COMMD10: variants seen among roughly 807,000 people sequenced by gnomAD.
The protein encoded by COMMD10 is COMM domain-containing protein 10.
In COMMD10, 33 loss-of-function variants were observed where a neutral mutation model predicts 28.9. That is an observed-to-expected ratio of 1.14 (90% CI 0.87 to 1.53). The LOEUF is 1.53. Ranked by LOEUF, COMMD10 falls within the 40% of genes most tolerant of loss-of-function variation. The probability of loss-of-function intolerance (pLI) is 0.00; values close to 1 mark genes in which losing one functional copy is unlikely to be tolerated. For synonymous variants in COMMD10, 110 were observed against 81.7 expected, an observed-to-expected ratio of 1.35 and a Z score of -1.87; for missense variants, 310 against 233.4, an observed-to-expected ratio of 1.33 and a Z score of -2.14.
intron 5 of COMMD10, among the ~76,000 whole-genome samples, chr5:116,192,027 G>A (rs1191828653): frequency 6.9e-6 from 1 of 144,568 alleles, no homozygotes; most frequent in South Asian, 2.3e-4. Context: ...CCTGGAGCCG[G>A]GTAGACTCGG....
intron 5 of COMMD10, among the ~76,000 whole-genome samples, chr5:116,255,140 C>A (rs1362220338): frequency 2.6e-5 from 4 of 151,158 alleles, no homozygotes; most frequent in Non-Finnish European, 4.4e-5. Flanking sequence ...TTTTTGTTTT[C>A]CATTTGCTTG....
Position 116,207,611 on chromosome 5 carries a change from C to T in COMMD10, c.510+73433C>T, listed in dbSNP as rs144726919. 3.8e-3 allele frequency among the ~76,000 whole-genome samples: 572 copies of T among 152,166 alleles called. 5 individuals carry two copies. Among genetic ancestry groups the T allele is most frequent in the African/African-American group, 0.013 (532 of 41,506 alleles). ...CATGATCTGGGCTCACTGCAGCCTC[C>T]GCCTCCTGGGTTCAAGCGATTCTTA... On this transcript the variant is annotated intron_variant, in intron 5 of 6. Coordinates refer to ENST00000274458, the MANE Select transcript of COMMD10 (RefSeq NM_016144.4).
At position 116,113,879 on chromosome 5, in the gene COMMD10, G is replaced by A. The variant is rs539544572; in HGVS notation, c.400-20189G>A. Among the ~76,000 whole-genome samples, 3 of 151,350 alleles carry A rather than the reference G, an allele frequency of 2.0e-5. No individual in the cohort carries two copies. The East Asian group carries it at 5.8e-4, about 29-fold the overall frequency. ...GTTTTCATGTTTCTTGTGTTTTTAT[G>A]TTCATTCTAGCACATCTGGAACAAT... On this transcript the variant is annotated intron_variant, in intron 4 of 6. Coordinates refer to ENST00000274458, the MANE Select transcript of COMMD10 (RefSeq NM_016144.4).
chr5:116,147,631 T>A (rs1359534318), intron 5 of COMMD10, among the ~76,000 whole-genome samples: 1 of 151,872 alleles, frequency 6.6e-6, no homozygotes, highest in Non-Finnish European at 1.5e-5. Flanking sequence ...AACATGTATT[T>A]CACAAATGAC....
intron 5 of COMMD10, among the ~76,000 whole-genome samples, chr5:116,147,524 A>T (rs1165249601): frequency 1.3e-5 from 2 of 151,884 alleles, no homozygotes; most frequent in African/African-American, 4.8e-5. Context: ...AAATTGGTTG[A>T]CTATCTGAAA....
At chr5:116,094,935 C>G (rs1304810694) in intron 4 of COMMD10, among the ~76,000 whole-genome samples, 3 of 152,130 alleles carry the variant, frequency 2.0e-5, no homozygotes, top group Admixed American at 6.6e-5. Flanking sequence ...ATATAACAGG[C>G]ACTCACTCCT....
chr5:116,215,759 C>A (rs62384250), intron 5 of COMMD10, among the ~76,000 whole-genome samples: 10,643 of 141,244 alleles, frequency 0.075, 466 homozygotes, highest in Admixed American at 0.13. Flanking sequence ...AAATATAGTA[C>A]TTTATTTAAA....
At chr5:116,105,265 G>A (rs1258855293) in intron 4 of COMMD10, among the ~76,000 whole-genome samples, 1 of 152,126 alleles carries the variant, frequency 6.6e-6, no homozygotes, top group Non-Finnish European at 1.5e-5. Flanking sequence ...TACTTTTATT[G>A]ACTTGCATAT....
chr5:116,191,524 C>G (rs1280331241), intron 5 of COMMD10, among the ~76,000 whole-genome samples: 1 of 151,718 alleles, frequency 6.6e-6, no homozygotes, highest in African/African-American at 2.4e-5. Flanking sequence ...CCAGCTTTCC[C>G]CCACTTCCCT....
At chr5:116,145,119 C>G (rs1752304472) in intron 5 of COMMD10, among the ~76,000 whole-genome samples, 1 of 151,774 alleles carries the variant, frequency 6.6e-6, no homozygotes, top group South Asian at 2.1e-4. Flanking sequence ...TTTCTCAATG[C>G]TGCTGTCATG....
chr5:116,291,309 G>T (rs1751353956), intron 5 of COMMD10, among the ~76,000 whole-genome samples: 1 of 152,182 alleles, frequency 6.6e-6, no homozygotes, highest in South Asian at 2.1e-4. Flanking sequence ...TTAAAGGACA[G>T]ATGTCTGTAG....
At chr5:116,217,695 A>G (rs981951210) in intron 5 of COMMD10, among the ~76,000 whole-genome samples, 1 of 152,174 alleles carries the variant, frequency 6.6e-6, no homozygotes, top group Non-Finnish European at 1.5e-5. Flanking sequence ...GAGAGATAAA[A>G]ATGATTTTGT....
intron 5 of COMMD10, among the ~76,000 whole-genome samples, chr5:116,210,335 C>CAT (rs1275575302): frequency 1.4e-5 from 2 of 146,782 alleles, no homozygotes; most frequent in African/African-American, 5.1e-5. Context: ...TATATATATA[C>CAT]ATATATATAC....
At chr5:116,147,844 A>C (rs994540984) in intron 5 of COMMD10, among the ~76,000 whole-genome samples, 2 of 151,934 alleles carry the variant, frequency 1.3e-5, no homozygotes, top group African/African-American at 4.8e-5. Flanking sequence ...AGAGGTAATC[A>C]CTTTGAGTGA....
chr5:116,245,052 GA>G (rs56658530), intron 5 of COMMD10, among the ~76,000 whole-genome samples: 3 of 149,640 alleles, frequency 2.0e-5, no homozygotes, highest in Admixed American at 2.0e-4. Flanking sequence ...CTGGTTTTTT[GA>G]AAAAAAAAAT....
At chr5:116,257,113 T>C (rs750025655) in intron 5 of COMMD10, among the ~76,000 whole-genome samples, 4 of 151,734 alleles carry the variant, frequency 2.6e-5, no homozygotes, top group Admixed American at 6.6e-5. Flanking sequence ...ATTTGAGAGA[T>C]CAAGAAATGG....
chr5:116,141,421 A>T (rs1400648642), intron 5 of COMMD10, among the ~76,000 whole-genome samples: 1 of 151,048 alleles, frequency 6.6e-6, no homozygotes, highest in African/African-American at 2.4e-5. Flanking sequence ...GAATTTTAGA[A>T]TTTTTTTTCT....
chr5:116,275,390 A>T (rs1162059376), intron 5 of COMMD10, among the ~76,000 whole-genome samples: 2 of 151,838 alleles, frequency 1.3e-5, no homozygotes, highest in Non-Finnish European at 2.9e-5. Flanking sequence ...GTATCAGATT[A>T]GATATCAGTT....
At position 116,285,919 on chromosome 5, in the gene COMMD10, G is replaced by A. The variant is rs578252896; in HGVS notation, c.511-5598G>A. Among the ~76,000 whole-genome samples the A allele has an allele frequency of 1.1e-4, 16 of 151,878 alleles. No homozygotes were observed. The East Asian group carries it at 2.7e-3, about 26-fold the overall frequency. On this transcript the variant is annotated intron_variant, in intron 5 of 6. Transcript: ENST00000274458. ...GTATCTCCTCTTGTTCAAGTTTTTG[G>A]AAGAGTTTCAGGACAATGGATGTTA... is the stretch of plus-strand genomic sequence containing the variant.
Sources: gnomAD v4.1 joint callset for allele counts (sites outside exome capture counted in the v4.1 genomes callset) on GRCh38, gnomAD v4.1.1 for gene constraint, MANE v1.5 for transcripts, NCBI Gene and HGNC (gene_info 2026-07-23, HGNC 2026-07-21) for gene names.